The following CNTN3 variants were observed in gnomAD, a reference collection of about 807,000 sequenced individuals.
The protein encoded by CNTN3 is contactin-3.
Under a neutral mutation model 119.1 loss-of-function variants are expected in CNTN3, and 60 were observed. The observed-to-expected ratio is 0.50, with a 90% CI of 0.41 to 0.62. The LOEUF is 0.62. CNTN3 is among the 20% of genes least tolerant of loss of function. The pLI, the probability that CNTN3 is intolerant of heterozygous loss-of-function variation, is 0.00. For synonymous variants in CNTN3, 450 were observed against 438.7 expected, an observed-to-expected ratio of 1.03 and a Z score of -0.32; for missense variants, 1,101 against 1,242.4, an observed-to-expected ratio of 0.89 and a Z score of 1.71.
chr3:74,333,664 A>T (rs1192323060), intron 13 of CNTN3, among the ~76,000 whole-genome samples: 1 of 151,938 alleles, frequency 6.6e-6, no homozygotes, highest in Non-Finnish European at 1.5e-5. Context: ...GCAATTTCCA[A>T]ATAAGGTCAC....
intron 1 of CNTN3, among the ~76,000 whole-genome samples, chr3:74,588,178 G>A (rs1049712616): frequency 1.3e-5 from 2 of 151,792 alleles, no homozygotes; most frequent in African/African-American, 2.4e-5. Flanking sequence ...TGCTGGATTC[G>A]GTTTGCCAGT....
At chr3:74,570,957 G>A (rs992273649) in intron 1 of CNTN3, among the ~76,000 whole-genome samples, 1 of 152,100 alleles carries the variant, frequency 6.6e-6, no homozygotes, top group African/African-American at 2.4e-5. Flanking sequence ...CTTTTTCCTT[G>A]GAAATATGAT....
intron 5 of CNTN3, among the ~76,000 whole-genome samples, chr3:74,396,846 T>C (rs990751475): frequency 2.6e-5 from 4 of 151,102 alleles, no homozygotes; most frequent in Non-Finnish European, 4.4e-5. Context: ...AGAAGTCATC[T>C]CCATAACATA....
chr3:74,424,392 A>AAT lies in CNTN3; in HGVS notation c.454+451_454+452dup, dbSNP rs1232155160. 8.6e-3 allele frequency among the ~76,000 whole-genome samples: 768 copies of AAT among 89,198 alleles called. 7 individuals carry two copies. The highest frequency in any genetic ancestry group is 0.018 in the African/African-American group (637 of 36,176). The allele number at this position is 89,198 out of a possible 152,430, so 58.5% of individuals were successfully genotyped here. A position where few individuals can be genotyped will look rare whatever the true frequency, so the allele number is the denominator to read the frequency against. On this transcript the variant is annotated intron_variant, in intron 5 of 22. Transcript: ENST00000263665. ...CACACATATCATTTCTATGTGTATA[A>AAT]ATATATATATATATATATAAAATAC...
chr3:74,423,808 C>G (rs906287132), intron 5 of CNTN3, among the ~76,000 whole-genome samples: 23 of 152,254 alleles, frequency 1.5e-4, no homozygotes, highest in African/African-American at 5.3e-4. Flanking sequence ...AATCAAGCTC[C>G]AAGTCTGCAG....
At chr3:74,495,284 T>C (rs1183039251) in intron 3 of CNTN3, among the ~76,000 whole-genome samples, 1 of 151,932 alleles carries the variant, frequency 6.6e-6, no homozygotes, top group Non-Finnish European at 1.5e-5. Context: ...AAAAGTAAAA[T>C]AACAATGATA....
intron 2 of CNTN3, among the ~76,000 whole-genome samples, chr3:74,516,071 A>G (rs1396573523): frequency 5.9e-5 from 9 of 151,982 alleles, no homozygotes; most frequent in African/African-American, 2.2e-4. Flanking sequence ...TGAAAGGCTT[A>G]GTGCAGCTGA....
At chr3:74,580,793 G>A (rs1283262248) in intron 1 of CNTN3, among the ~76,000 whole-genome samples, 1 of 152,304 alleles carries the variant, frequency 6.6e-6, no homozygotes, top group African/African-American at 2.4e-5. Flanking sequence ...GCTTACTGCA[G>A]CCTGGACGTC....
chr3:74,525,038 T>G (rs964695688), intron 1 of CNTN3, among the ~76,000 whole-genome samples: 3 of 151,800 alleles, frequency 2.0e-5, no homozygotes, highest in African/African-American at 4.8e-5. Context: ...AATAATACCC[T>G]TGAAAGGTTA....
intron 19 of CNTN3, among the ~76,000 whole-genome samples, chr3:74,286,038 A>G (rs1488692257): frequency 6.6e-6 from 1 of 151,998 alleles, no homozygotes; most frequent in East Asian, 1.9e-4. Flanking sequence ...TAGTCAAAGT[A>G]CTACAACTGA....
chr3:74,505,793 T>A (rs1703248914), intron 2 of CNTN3, among the ~76,000 whole-genome samples: 1 of 152,146 alleles, frequency 6.6e-6, no homozygotes, highest in African/African-American at 2.4e-5. Flanking sequence ...CTGGAAATGT[T>A]AGCAAGCAAT....
chr3:74,530,061 A>C (rs1703672870), intron 1 of CNTN3, among the ~76,000 whole-genome samples: 1 of 152,022 alleles, frequency 6.6e-6, no homozygotes, highest in African/African-American at 2.4e-5. Context: ...CTTGGGGAAA[A>C]ACTCAAATTC....
chr3:74,343,007 CA>C (rs1362478920), intron 11 of CNTN3, among the ~76,000 whole-genome samples: 2 of 152,152 alleles, frequency 1.3e-5, no homozygotes, highest in Non-Finnish European at 2.9e-5. Flanking sequence ...AAGAAAACTT[CA>C]AAGGGGATAT....
intron 13 of CNTN3, among the ~76,000 whole-genome samples, chr3:74,316,808 G>C (rs1702841030): frequency 6.6e-6 from 1 of 151,794 alleles, no homozygotes; most frequent in Non-Finnish European, 1.5e-5. Flanking sequence ...GGTGCCTGTA[G>C]TCCCAGCTAC....
At chr3:74,358,053 G>A (rs1297159838) in intron 11 of CNTN3, among the ~76,000 whole-genome samples, 1 of 152,116 alleles carries the variant, frequency 6.6e-6, no homozygotes, top group East Asian at 1.9e-4. Context: ...GATTTCCCGT[G>A]GACTTGGAGA....
chr3:74,406,141 T>C (rs950014306), intron 5 of CNTN3, among the ~76,000 whole-genome samples: 1 of 152,092 alleles, frequency 6.6e-6, no homozygotes, highest in African/African-American at 2.4e-5. Flanking sequence ...ATCCGCAAAA[T>C]ATAATGTTGA....
At chr3:74,584,369 A>G (rs1288038642) in intron 1 of CNTN3, among the ~76,000 whole-genome samples, 1 of 152,198 alleles carries the variant, frequency 6.6e-6, no homozygotes, top group Non-Finnish European at 1.5e-5. Context: ...TTAAGATTTT[A>G]TCCCCAATGT....
intron 18 of CNTN3, 75 bp from the exon 19 acceptor site, chr3:74,295,311 T>C: frequency 1.3e-6 from 1 of 763,152 alleles, no homozygotes; most frequent in Non-Finnish European, 2.2e-6. Flanking sequence ...TGTTCTTATT[T>C]TTATAAAAGC....
intron 11 of CNTN3, among the ~76,000 whole-genome samples, chr3:74,358,105 G>T (rs563136063): frequency 5.3e-5 from 8 of 152,256 alleles, no homozygotes; most frequent in Admixed American, 4.6e-4. Flanking sequence ...CTTCTAGCAG[G>T]CTTCTCCCTA....
Sources: gnomAD v4.1 joint callset for allele counts (sites outside exome capture counted in the v4.1 genomes callset) on GRCh38, gnomAD v4.1.1 for gene constraint, MANE v1.5 for transcripts, NCBI Gene and HGNC (gene_info 2026-07-23, HGNC 2026-07-21) for gene names.